The following FRMD5 variants were observed in gnomAD, a reference collection of about 807,000 sequenced individuals.
FRMD5 encodes FERM domain-containing protein 5.
Under a neutral mutation model 69.0 loss-of-function variants are expected in FRMD5, and 20 were observed. That is an observed-to-expected ratio of 0.29 (90% CI 0.20 to 0.42). FRMD5 has a LOEUF of 0.42. Ranked by LOEUF, FRMD5 falls within the 10% of genes least tolerant of loss-of-function variation. The probability of loss-of-function intolerance (pLI) is 1.00; values close to 1 mark genes in which losing one functional copy is unlikely to be tolerated. For missense variants in FRMD5, 595 were observed against 708.6 expected, an observed-to-expected ratio of 0.84 and a Z score of 1.82; for synonymous variants, 271 against 260.1, an observed-to-expected ratio of 1.04 and a Z score of -0.40.
chr15:44,064,623 A>G (rs1893234930), intron 1 of FRMD5, among the ~76,000 whole-genome samples: 1 of 152,050 alleles, frequency 6.6e-6, no homozygotes, highest in Non-Finnish European at 1.5e-5. Context: ...CATTGCCTCT[A>G]CCTCCCCCTT....
chr15:44,012,512 A>G (rs981403198), intron 1 of FRMD5, among the ~76,000 whole-genome samples: 2 of 152,232 alleles, frequency 1.3e-5, no homozygotes, highest in Admixed American at 1.3e-4. Flanking sequence ...TCATAGATGA[A>G]AGAAAAACAT....
chr15:44,070,793 A>G (rs1893508461), intron 1 of FRMD5, among the ~76,000 whole-genome samples: 1 of 152,224 alleles, frequency 6.6e-6, no homozygotes, highest in Admixed American at 6.5e-5. Flanking sequence ...ACTGATAGGT[A>G]ACTCACTGCT....
At chr15:44,184,224 T>C (rs1397018509) in intron 1 of FRMD5, among the ~76,000 whole-genome samples, 2 of 152,284 alleles carry the variant, frequency 1.3e-5, no homozygotes, top group East Asian at 3.9e-4. Flanking sequence ...TGTCTACCCA[T>C]TCCTGAAGCA....
chr15:44,166,051 A>G (rs2077703818), intron 1 of FRMD5, among the ~76,000 whole-genome samples: 1 of 152,214 alleles, frequency 6.6e-6, no homozygotes, highest in Non-Finnish European at 1.5e-5. Flanking sequence ...CAAATCTTTT[A>G]ATAAAGACTG....
chr15:44,033,465 C>T (rs961402854), intron 1 of FRMD5, among the ~76,000 whole-genome samples: 2 of 151,866 alleles, frequency 1.3e-5, no homozygotes, highest in African/African-American at 4.8e-5. Flanking sequence ...AATAAATATC[C>T]CAAATAATAG....
chr15:44,091,922 G>C (rs2076479083), intron 1 of FRMD5, among the ~76,000 whole-genome samples: 1 of 152,088 alleles, frequency 6.6e-6, no homozygotes, highest in Admixed American at 6.6e-5. Context: ...TATGAATTTA[G>C]GATAGAGGTG....
intron 1 of FRMD5, among the ~76,000 whole-genome samples, chr15:43,985,684 G>A (rs368456506): frequency 7.2e-5 from 11 of 152,208 alleles, no homozygotes; most frequent in South Asian, 6.2e-4. Flanking sequence ...CATTCTGTGC[G>A]GATAAGTATT....
chr15:44,171,419 G>A (rs1404536419), intron 1 of FRMD5, among the ~76,000 whole-genome samples: 1 of 152,108 alleles, frequency 6.6e-6, no homozygotes, highest in African/African-American at 2.4e-5. Context: ...AACACTACAA[G>A]CTTTTGGTTA....
intron 7 of FRMD5, among the ~76,000 whole-genome samples, chr15:43,901,485 G>A (rs796494708): frequency 5.9e-5 from 9 of 152,292 alleles, no homozygotes; most frequent in African/African-American, 2.2e-4. Context: ...GTAATGGAAA[G>A]AGAGAGGCAG....
At chr15:44,131,513 C>T (rs556171285) in intron 1 of FRMD5, among the ~76,000 whole-genome samples, 114 of 152,218 alleles carry the variant, frequency 7.5e-4, no homozygotes, top group Middle Eastern at 6.8e-3. Context: ...CAGCATTATA[C>T]ACAATAGCTA....
intron 12 of FRMD5, 22 bp from the exon 13 acceptor site, chr15:43,883,831 C>A: frequency 6.3e-7 from 1 of 1,579,004 alleles, no homozygotes; most frequent in South Asian, 1.1e-5. Context: ...GAAAAAGAAC[C>A]TTGTTAATTC....
At chr15:44,019,421 C>A (rs1809208448) in intron 1 of FRMD5, among the ~76,000 whole-genome samples, 1 of 150,654 alleles carries the variant, frequency 6.6e-6, no homozygotes, top group South Asian at 2.1e-4. Flanking sequence ...GTCAAAATAT[C>A]TTTGGCATCC....
intron 1 of FRMD5, among the ~76,000 whole-genome samples, chr15:44,182,562 G>C (rs1045018567): frequency 5.3e-5 from 8 of 151,944 alleles, no homozygotes; most frequent in Non-Finnish European, 1.2e-4. Flanking sequence ...ATCTGACCTC[G>C]TGATCCACCC....
chr15:44,018,634 C>T (rs1595630265), intron 1 of FRMD5, among the ~76,000 whole-genome samples: 1 of 152,280 alleles, frequency 6.6e-6, no homozygotes, highest in Middle Eastern at 3.4e-3. Flanking sequence ...TAGTCTGACT[C>T]AAGGAGTGAG....
upstream of FRMD5, among the ~76,000 whole-genome samples, chr15:44,196,039 A>T (rs544433696): frequency 1.3e-5 from 2 of 152,348 alleles, no homozygotes; most frequent in South Asian, 4.1e-4. Context: ...GTATGTCAGG[A>T]GGTATACATC....
intron 1 of FRMD5, among the ~76,000 whole-genome samples, chr15:44,037,620 G>A (rs370062483): frequency 9.3e-5 from 14 of 150,506 alleles, no homozygotes; most frequent in East Asian, 3.9e-4. Flanking sequence ...GGTGCATGCC[G>A]CCACACCCAG....
chr15:43,926,250 C>G (rs1047492625), intron 1 of FRMD5, among the ~76,000 whole-genome samples: 3 of 152,196 alleles, frequency 2.0e-5, no homozygotes, highest in African/African-American at 7.2e-5. Flanking sequence ...CCTGTCAAAA[C>G]ATCTGGAGCC....
At chr15:44,098,420 G>A (rs1324533034) in intron 1 of FRMD5, among the ~76,000 whole-genome samples, 2 of 151,782 alleles carry the variant, frequency 1.3e-5, no homozygotes, top group African/African-American at 4.8e-5. Context: ...AGCTACTTGG[G>A]AGGCTGAGGC....
At chr15:44,055,606 T>C (rs1421767042) in intron 1 of FRMD5, among the ~76,000 whole-genome samples, 1 of 152,186 alleles carries the variant, frequency 6.6e-6, no homozygotes, top group African/African-American at 2.4e-5. Flanking sequence ...TTACCAATTA[T>C]TGCTATGAAA....
Sources: allele counts gnomAD v4.1 joint callset (sites outside exome capture counted in the v4.1 genomes callset), GRCh38; gene constraint gnomAD v4.1.1; transcripts MANE v1.5; gene names NCBI Gene and HGNC (gene_info 2026-07-23, HGNC 2026-07-21).